Variants in SLC30A8 observed in about 807,000 individuals in gnomAD.
SLC30A8 encodes solute carrier family 30 member 8.
In SLC30A8, 27 loss-of-function variants were observed where a neutral mutation model predicts 36.9. That is an observed-to-expected ratio of 0.73 (90% CI 0.54 to 1.01). The LOEUF (loss-of-function observed/expected upper bound fraction) is 1.01. Among genes scored for constraint, SLC30A8 ranks in the 50% least tolerant of loss-of-function variants. SLC30A8 has a pLI of 0.00. For synonymous variants in SLC30A8, 164 were observed against 172.4 expected, an observed-to-expected ratio of 0.95 and a Z score of 0.38; for missense variants, 439 against 452.0, an observed-to-expected ratio of 0.97 and a Z score of 0.26.
chr8:117,152,993 C>T lies in SLC30A8; in HGVS notation c.321C>T (p.Leu107=). 2.5e-6 allele frequency: 4 copies of T among 1,613,482 alleles called. No individual in the cohort carries two copies. Among genetic ancestry groups the T allele is most frequent in the African/African-American group, 2.7e-5 (2 of 75,018 alleles). ...SLAVVTDAAH[L]LIDLTSFLLS... is the part of the protein sequence containing the mutation. The stretch of plus-strand genomic sequence containing the variant: ...CTGTTGTCACAGATGCTGCCCACCT[C>T]TTAATTGACCTGACCAGTTTCCTGC... The change falls in exon 3 of 8, where the codon CTC becomes CTT. Residue 107 remains leucine (L), a synonymous_variant. Coordinates refer to ENST00000456015, the MANE Select transcript of SLC30A8 (RefSeq NM_173851.3).
At chr8:117,033,364 T>A (rs1817115149) in intron 1 of SLC30A8, among the ~76,000 whole-genome samples, 1 of 152,246 alleles carries the variant, frequency 6.6e-6, no homozygotes, top group African/African-American at 2.4e-5. Flanking sequence ...TGAACCTCAG[T>A]ATGCTGTGTG....
At chr8:117,017,643 G>A (rs1249026699) in intron 1 of SLC30A8, among the ~76,000 whole-genome samples, 3 of 152,188 alleles carry the variant, frequency 2.0e-5, no homozygotes, top group Non-Finnish European at 1.5e-5. Flanking sequence ...GGAAAGAAGC[G>A]AATACAACAA....
In SLC30A8 at chr8:117,172,806, T is replaced by C; in HGVS notation, c.*125T>C. On this transcript the variant is annotated 3_prime_UTR_variant, in exon 8 of 8. Transcript: ENST00000456015. Reference sequence around the variant, plus strand: ...TTCATGTCATGGTGCAATGCACATTTTATCTATTTATTTAGTTCCATTCAC... The same window carrying C: ...TTCATGTCATGGTGCAATGCACATTCTATCTATTTATTTAGTTCCATTCAC... 1 of 1,093,540 alleles carries C rather than the reference T, an allele frequency of 9.1e-7. No homozygotes were observed. Among genetic ancestry groups the C allele is most frequent in the South Asian group, 1.5e-5 (1 of 66,304 alleles). The allele number at this position is 1,093,540 out of a possible 1,614,324, so 67.7% of individuals were successfully genotyped here.
intron 1 of SLC30A8, among the ~76,000 whole-genome samples, chr8:117,136,650 G>T (rs549307474): frequency 1.3e-5 from 2 of 152,014 alleles, no homozygotes; most frequent in South Asian, 2.1e-4. Flanking sequence ...ATGTATTGAG[G>T]TTATTAACAT....
chr8:117,115,864 A>G (rs1820422524), intron 2 of SLC30A8, among the ~76,000 whole-genome samples: 1 of 152,058 alleles, frequency 6.6e-6, no homozygotes, highest in East Asian at 1.9e-4. Context: ...GCAGATGCAA[A>G]GCCATTGGAA....
intron 1 of SLC30A8, among the ~76,000 whole-genome samples, chr8:116,979,335 C>T (rs529606042): frequency 4.1e-4 from 61 of 149,778 alleles, no homozygotes; most frequent in Non-Finnish European, 7.8e-4. Context: ...TTACAATTTA[C>T]TCCAACGTTA....
intron 5 of SLC30A8, 77 bp downstream of exon 5, chr8:117,161,965 T>A: frequency 7.6e-7 from 1 of 1,316,018 alleles, no homozygotes; most frequent in Non-Finnish European, 1.0e-6. Flanking sequence ...AACATTAACT[T>A]AAAGAGAATG....
chr8:117,127,178 G>A (rs903690346), intron 2 of SLC30A8, among the ~76,000 whole-genome samples: 1 of 151,862 alleles, frequency 6.6e-6, no homozygotes, highest in Non-Finnish European at 1.5e-5. Flanking sequence ...TACCTAATTG[G>A]TACGCGTTCC....
In SLC30A8 at chr8:117,171,296, A is replaced by G. The variant is rs1326677754; in HGVS notation, c.964+128A>G. ...GTCAAAACATTATAAAGTGTTTTCT[A>G]TTACCAAGGGCCTTTGAAACCAGCC... is the stretch of plus-strand genomic sequence containing the variant. On this transcript the variant is annotated intron_variant, in intron 7 of 7. Transcript: ENST00000456015. The G allele has an allele frequency of 2.8e-5, 30 of 1,082,980 alleles. 1 individual carries two copies. The highest frequency in any genetic ancestry group is 6.0e-4 in the Middle Eastern group (2 of 3,360). The allele number at this position is 1,082,980 out of a possible 1,614,324, so 67.1% of individuals were successfully genotyped here.
chr8:117,159,085 A>C (rs1822646787), intron 4 of SLC30A8, among the ~76,000 whole-genome samples: 1 of 152,212 alleles, frequency 6.6e-6, no homozygotes. Flanking sequence ...TGGCCTCTGG[A>C]AGCTAGAAAA....
chr8:117,165,324 G>T (rs1489496319), intron 6 of SLC30A8, among the ~76,000 whole-genome samples: 2 of 152,124 alleles, frequency 1.3e-5, no homozygotes, highest in Non-Finnish European at 2.9e-5. Flanking sequence ...TAGCATTTTG[G>T]GTTGACTGGA....
At chr8:116,978,497 G>T (rs989641541) in intron 1 of SLC30A8, among the ~76,000 whole-genome samples, 13 of 152,042 alleles carry the variant, frequency 8.6e-5, no homozygotes, top group Non-Finnish European at 1.5e-4. Context: ...TCTAAATGAG[G>T]TGATTAGTAA....
chr8:116,977,224 C>G (rs2130632921), intron 1 of SLC30A8, among the ~76,000 whole-genome samples: 1 of 132,926 alleles, frequency 7.5e-6, no homozygotes, highest in East Asian at 2.5e-4. Flanking sequence ...TTTCCGTTCA[C>G]TGCAAGCTCC....
At chr8:117,054,414 T>G (rs1476034765) in intron 2 of SLC30A8, among the ~76,000 whole-genome samples, 1 of 152,182 alleles carries the variant, frequency 6.6e-6, no homozygotes, top group Admixed American at 6.5e-5. Flanking sequence ...ATTCTTTGCA[T>G]TTACCATCTG....
At chr8:116,976,356 G>A (rs1272990447) in intron 1 of SLC30A8, among the ~76,000 whole-genome samples, 1 of 151,778 alleles carries the variant, frequency 6.6e-6, no homozygotes, top group Non-Finnish European at 1.5e-5. Flanking sequence ...GTGCACAATA[G>A]GCTCCTACAA....
intron 2 of SLC30A8, among the ~76,000 whole-genome samples, chr8:117,109,004 G>A (rs1298743237): frequency 2.0e-5 from 3 of 152,116 alleles, no homozygotes; most frequent in African/African-American, 4.8e-5. Flanking sequence ...GCATCCCAGG[G>A]CTCTAACTTT....
intron 2 of SLC30A8, among the ~76,000 whole-genome samples, chr8:117,068,482 A>G (rs11989353): frequency 0.32 from 49,111 of 151,992 alleles, 8,691 homozygotes; most frequent in African/African-American, 0.48. Flanking sequence ...CACATGCATC[A>G]TTTTTGCACG....
chr8:117,122,810 A>T (rs16889429), intron 2 of SLC30A8, among the ~76,000 whole-genome samples: 8,050 of 151,988 alleles, frequency 0.053, 570 homozygotes, highest in African/African-American at 0.16. Context: ...TGAAGACCAG[A>T]CTGCCTTTCT....
chr8:117,141,007 A>G (rs921192823), intron 1 of SLC30A8, among the ~76,000 whole-genome samples: 2 of 152,098 alleles, frequency 1.3e-5, no homozygotes, highest in African/African-American at 2.4e-5. Context: ...TCTGATAAGT[A>G]AAGATATTGA....
Sources: gnomAD v4.1 joint callset for allele counts (sites outside exome capture counted in the v4.1 genomes callset) on GRCh38, gnomAD v4.1.1 for gene constraint, MANE v1.5 for transcripts, NCBI Gene and HGNC (gene_info 2026-07-23, HGNC 2026-07-21) for gene names.